FYB1: variants seen among roughly 807,000 people sequenced by gnomAD.
The protein encoded by FYB1 is FYN binding protein 1, also known as FYN-binding protein 1.
In FYB1, 41 loss-of-function variants were observed where a neutral mutation model predicts 94.1. The observed-to-expected ratio is 0.44, with a 90% CI of 0.34 to 0.57. FYB1 has a LOEUF of 0.57. FYB1 is among the 20% of genes least tolerant of loss of function. The pLI is 0.02. For missense variants in FYB1, 1,050 were observed against 976.8 expected, an observed-to-expected ratio of 1.07 and a Z score of -1.00; for synonymous variants, 367 against 353.2, an observed-to-expected ratio of 1.04 and a Z score of -0.44.
intron 1 of FYB1, among the ~76,000 whole-genome samples, chr5:39,225,571 G>C (rs1403131403): frequency 6.6e-6 from 1 of 152,152 alleles, no homozygotes; most frequent in East Asian, 1.9e-4. Context: ...CCCAATTCAT[G>C]AATTGTTTTT....
At chr5:39,117,273 G>A (rs1739662256) in intron 16 of FYB1, among the ~76,000 whole-genome samples, 1 of 151,990 alleles carries the variant, frequency 6.6e-6, no homozygotes, top group Non-Finnish European at 1.5e-5. Flanking sequence ...TCTACCATAT[G>A]TCATGAGAGA....
At chr5:39,173,761 A>G (rs1745465637) in intron 2 of FYB1, among the ~76,000 whole-genome samples, 1 of 152,090 alleles carries the variant, frequency 6.6e-6, no homozygotes, top group African/African-American at 2.4e-5. Context: ...GTAGAAGTGT[A>G]GGTTCATTTC....
intron 10 of FYB1, among the ~76,000 whole-genome samples, chr5:39,130,075 A>G (rs981863206): frequency 6.6e-6 from 1 of 151,932 alleles, no homozygotes; most frequent in African/African-American, 2.4e-5. Context: ...TTGGTCATAA[A>G]AAAAAAAGAA....
At chr5:39,161,086 A>G (rs945065280) in intron 2 of FYB1, among the ~76,000 whole-genome samples, 1 of 152,204 alleles carries the variant, frequency 6.6e-6, no homozygotes, top group Non-Finnish European at 1.5e-5. Flanking sequence ...GAGCACTGGT[A>G]TGTGTTTTCT....
intron 3 of FYB1, among the ~76,000 whole-genome samples, chr5:39,148,570 T>G (rs1474678298): frequency 6.6e-6 from 1 of 151,670 alleles, no homozygotes; most frequent in Non-Finnish European, 1.5e-5. Flanking sequence ...GCCAACACTT[T>G]CCAACTAGTG....
At chr5:39,153,235 T>A (rs1743409571) in intron 3 of FYB1, among the ~76,000 whole-genome samples, 1 of 152,114 alleles carries the variant, frequency 6.6e-6, no homozygotes, top group Non-Finnish European at 1.5e-5. Context: ...ATAAAACAGA[T>A]AAATAAGAAT....
chr5:39,178,717 T>C (rs1745950835), intron 2 of FYB1, among the ~76,000 whole-genome samples: 1 of 152,214 alleles, frequency 6.6e-6, no homozygotes, highest in African/African-American at 2.4e-5. Context: ...CCCATTATGT[T>C]TCTGATGACA....
At chr5:39,119,701 G>A (rs1322218359) in intron 14 of FYB1, 67 bp from the exon 15 acceptor site, 11 of 1,359,314 alleles carry the variant, frequency 8.1e-6, no homozygotes, top group Non-Finnish European at 1.0e-5. Context: ...GTCCATAACA[G>A]AGACGATTCA....
chr5:39,167,811 C>T (rs1484940221), intron 2 of FYB1, among the ~76,000 whole-genome samples: 1 of 152,170 alleles, frequency 6.6e-6, no homozygotes, highest in African/African-American at 2.4e-5. Flanking sequence ...CAATGTGCCT[C>T]AATGAAGTCT....
chr5:39,145,374 C>T lies in FYB1; in HGVS notation c.1293-4233G>A, dbSNP rs137877104. ...GAAATTAAATATGTTAATATATACA[C>T]GCAATATGAAACATCGCAAGAAGTT... is the stretch of plus-strand genomic sequence containing the variant. On this transcript the variant is annotated intron_variant, in intron 3 of 18. Coordinates refer to ENST00000512982, the MANE Select transcript of FYB1 (RefSeq NM_001465.6). Among the ~76,000 whole-genome samples the T allele has an allele frequency of 7.2e-5, 11 of 152,092 alleles. No individual in the cohort carries two copies. In the East Asian group the frequency reaches 1.9e-3, roughly 27 times the overall value.
Position 39,226,475 on chromosome 5 carries a change from A to G in FYB1, c.-27-23488T>C, listed in dbSNP as rs563437365. Reference sequence around the variant, plus strand: ...CAGAGCTTACTACCTCTTCACTTGCATGTGGCATTGCTTTTGCTTCTCTCA... The same window carrying G: ...CAGAGCTTACTACCTCTTCACTTGCGTGTGGCATTGCTTTTGCTTCTCTCA... On this transcript the variant is annotated intron_variant, in intron 1 of 1. Coordinates refer to the FYB1 transcript ENST00000510188. Among the ~76,000 whole-genome samples, 13 of 152,116 alleles carry G rather than the reference A, an allele frequency of 8.5e-5. No homozygotes were observed. The East Asian group carries it at 2.5e-3, about 29-fold the overall frequency.
At chr5:39,187,788 G>A (rs1381815090) in intron 2 of FYB1, among the ~76,000 whole-genome samples, 1 of 152,030 alleles carries the variant, frequency 6.6e-6, no homozygotes, top group Non-Finnish European at 1.5e-5. Flanking sequence ...TCTATTTGTT[G>A]TAGTGCTTCC....
intron 14 of FYB1, among the ~76,000 whole-genome samples, chr5:39,121,205 A>G (rs1414688020): frequency 6.8e-6 from 1 of 146,174 alleles, no homozygotes; most frequent in East Asian, 1.9e-4. Flanking sequence ...AAAAAAAAAA[A>G]GCATTAACAA....
At chr5:39,147,276 CT>C (rs796580752) in intron 3 of FYB1, among the ~76,000 whole-genome samples, 18 of 146,982 alleles carry the variant, frequency 1.2e-4, no homozygotes, top group South Asian at 2.2e-4. Context: ...CTTTTCTTTT[CT>C]TTTTTTTTTG....
intron 3 of FYB1, among the ~76,000 whole-genome samples, chr5:39,143,478 T>A (rs1268892396): frequency 1.4e-5 from 2 of 146,336 alleles, no homozygotes; most frequent in African/African-American, 5.5e-5. Flanking sequence ...GCAGTAGTCA[T>A]CTGGTCAGTG....
intron 16 of FYB1, among the ~76,000 whole-genome samples, chr5:39,111,298 A>G (rs997271833): frequency 1.3e-5 from 2 of 151,934 alleles, no homozygotes; most frequent in Non-Finnish European, 2.9e-5. Flanking sequence ...CCTCAATACA[A>G]TCTCTAAATA....
Position 39,148,153 on chromosome 5 carries a change from TTTTATATATA to T in FYB1, c.1292+5285_1292+5294del, listed in dbSNP as rs1485148007. Among the ~76,000 whole-genome samples, 353 of 79,438 alleles carry T rather than the reference TTTTATATATA, an allele frequency of 4.4e-3. 24 individuals carry two copies. Among genetic ancestry groups the T allele is most frequent in the East Asian group, 0.012 (23 of 1,956 alleles). The allele number at this position is 79,438 out of a possible 152,430, so 52.1% of individuals were successfully genotyped here. ...TCATTATATGTATATTATATGTATT[TTTTATATATA>T]TATATATATATATATATATATATAT... On this transcript the variant is annotated intron_variant, in intron 3 of 18. Transcript: ENST00000512982.
chr5:39,158,804 C>T (rs1743988250), intron 2 of FYB1, among the ~76,000 whole-genome samples: 1 of 152,052 alleles, frequency 6.6e-6, no homozygotes, highest in Non-Finnish European at 1.5e-5. Context: ...TTAACAACAC[C>T]AAAGACGTTA....
chr5:39,244,333 A>T (rs1465601987), intron 1 of FYB1, among the ~76,000 whole-genome samples: 2 of 152,140 alleles, frequency 1.3e-5, no homozygotes, highest in East Asian at 1.9e-4. Context: ...CCTTATTTAT[A>T]GAGAGTTTTC....
Sources: gnomAD v4.1 joint callset for allele counts (sites outside exome capture counted in the v4.1 genomes callset) on GRCh38, gnomAD v4.1.1 for gene constraint, MANE v1.5 for transcripts, NCBI Gene and HGNC (gene_info 2026-07-23, HGNC 2026-07-21) for gene names.